NOP14: variants seen among roughly 807,000 people sequenced by gnomAD.
NOP14 encodes the protein nucleolar protein 14.
A neutral mutation model predicts 101.6 loss-of-function variants in NOP14; 57 were observed. That is an observed-to-expected ratio of 0.56 (90% confidence interval 0.45 to 0.70). NOP14 has a LOEUF of 0.70. Ranked by LOEUF, NOP14 falls within the 30% of genes least tolerant of loss-of-function variation. The pLI, the probability that NOP14 is intolerant of heterozygous loss-of-function variation, is 0.00. For synonymous variants in NOP14, 428 were observed against 424.0 expected (o/e 1.01, Z -0.12); for missense variants, 1,134 against 1,075.5 (o/e 1.05, Z -0.76).
rs764140812 is a variant in NOP14, at chr4:2,944,091, G to A, written c.1873C>T (p.Pro625Ser). 10 of 1,610,980 alleles carry A rather than the reference G, an allele frequency of 6.2e-6. No homozygotes were observed. In the Admixed American group the frequency reaches 1.3e-4, roughly 22 times the overall value. Reference protein sequence around the residue: ...FLLGILYIATPNKASQGSTLV... With the variant: ...FLLGILYIATSNKASQGSTLV... ...AACTCACCTTGGCTTGCTTTGTTTGGAGTTGCTATGTAAAGAATCCCAAGA... is the reference window on the plus strand; with the variant it reads ...AACTCACCTTGGCTTGCTTTGTTTGAAGTTGCTATGTAAAGAATCCCAAGA... Residue 625 changes from proline to serine, a missense_variant, in exon 13 of 18, where the codon CCA becomes TCA. Coordinates refer to ENST00000416614, the MANE Select transcript of NOP14 (RefSeq NM_001291978.2).
At chr4:2,958,420 G>C (rs1715494856) in intron 1 of NOP14, among the ~76,000 whole-genome samples, 1 of 152,334 alleles carries the variant, frequency 6.6e-6, no homozygotes, top group East Asian at 1.9e-4. Context: ...TCTGCAACCT[G>C]AGATGGCCAC....
chr4:2,948,095 A>AG (rs1486392994), intron 9 of NOP14, among the ~76,000 whole-genome samples, 183 bp downstream of exon 9: 1 of 152,244 alleles, frequency 6.6e-6, no homozygotes, highest in Non-Finnish European at 1.5e-5. Flanking sequence ...GCCAAAGCCA[A>AG]GGGAGGCCTC....
Position 2,939,230 on chromosome 4 carries a change from T to C in NOP14, c.2432A>G (p.Asn811Ser), listed in dbSNP as rs768222620. The part of the protein sequence containing the change: ...KGAVREIRKD[N>S]QFLARMQLSE... ...GAGTTGCATCCTCGCCAGGAACTGA[T>C]TGTCCTTGCGGATTTCTCGAACGGC... The change falls in exon 17 of 18, where the codon AAT (asparagine) becomes AGT (serine). Residue 811 changes from asparagine (N) to serine (S), a missense_variant. Physicochemically the swap from Asn to Ser is conservative, Grantham distance 46 (BLOSUM62 1). Transcript: ENST00000416614. 11 of 1,614,012 alleles carry C rather than the reference T, an allele frequency of 6.8e-6. No individual in the cohort carries two copies. The highest frequency in any genetic ancestry group is 9.3e-6 in the Non-Finnish European group (11 of 1,180,042).
rs567369610 is a variant in NOP14, at chr4:2,959,367, C to T, written c.196-1627G>A. On this transcript the variant is annotated intron_variant, in intron 1 of 17. Coordinates refer to ENST00000416614, the MANE Select transcript of NOP14 (RefSeq NM_001291978.2). Reference sequence around the variant, plus strand: ...CAGCACTCTGGGAGGCCAAGGCGGGCGGATCACGAGGTTAGAAGATCAAGA... The same window carrying T: ...CAGCACTCTGGGAGGCCAAGGCGGGTGGATCACGAGGTTAGAAGATCAAGA... Among the ~76,000 whole-genome samples the T allele has an allele frequency of 5.5e-4, 84 of 152,176 alleles. 1 individual carries two copies. The highest frequency in any genetic ancestry group is 1.0e-3 in the South Asian group (5 of 4,826).
chr4:2,941,773 G>A, intron 14 of NOP14, 44 bp from the exon 15 acceptor site: 1 of 1,590,212 alleles, frequency 6.3e-7, no homozygotes, highest in South Asian at 1.1e-5. Flanking sequence ...TGTTCTGTTT[G>A]TCACTGACAA....
intron 5 of NOP14, among the ~76,000 whole-genome samples, 200 bp from the exon 6 acceptor site, chr4:2,952,597 G>A (rs957313298): frequency 6.6e-6 from 1 of 152,006 alleles, no homozygotes; most frequent in African/African-American, 2.4e-5. Flanking sequence ...GTGGACATTC[G>A]GTCACAAAGA....
intron 11 of NOP14, among the ~76,000 whole-genome samples, chr4:2,945,737 A>C (rs545236604): frequency 1.3e-5 from 2 of 152,374 alleles, no homozygotes; most frequent in African/African-American, 4.8e-5. Flanking sequence ...AAACCAGCCC[A>C]CAGGCTTGGG....
rs1304967451 is a variant in NOP14, at chr4:2,957,653, T to C, written c.283A>G (p.Met95Val). 2 of 1,614,220 alleles carry C rather than the reference T, an allele frequency of 1.2e-6. No individual in the cohort carries two copies. The highest frequency in any genetic ancestry group is 2.2e-5 in the South Asian group (2 of 91,086). ...TTCATCATCTTCTCCTCGGGGCTCA[T>C]GTTGCTGTTGTATTCTCCGAAGCGT... The part of the protein sequence containing the change: ...DKRFGEYNSN[M>V]SPEEKMMKRF... Residue 95 changes from methionine (M) to valine (V), a missense_variant, in exon 2 of 18, where the codon ATG becomes GTG. Coordinates refer to ENST00000416614, the MANE Select transcript of NOP14 (RefSeq NM_001291978.2).
chr4:2,963,336 C>G lies in NOP14; in HGVS notation c.-17G>C, dbSNP rs1453341223. The G allele has an allele frequency of 6.4e-7, 1 of 1,554,322 alleles. No individual in the cohort carries two copies. The highest frequency in any genetic ancestry group is 8.7e-7 in the Non-Finnish European group (1 of 1,155,922). ...CTTCGCCATGGCGCGCGCCCCGCTG[C>G]GCCCAAGGGCCCGAGACCCGAAGAG... On this transcript the variant is annotated 5_prime_UTR_variant, in exon 1 of 18. Transcript: ENST00000416614.
At chr4:2,952,536 T>C (rs1028969533) in intron 5 of NOP14, 139 bp from the exon 6 acceptor site, 1 of 725,616 alleles carries the variant, frequency 1.4e-6, no homozygotes, top group African/African-American at 1.8e-5. Flanking sequence ...ATCTACGTCT[T>C]TTCTTCTAGA....
intron 1 of NOP14, among the ~76,000 whole-genome samples, chr4:2,961,200 A>AATATATACTAACTATAT (rs1233146413): frequency 9.9e-6 from 1 of 100,606 alleles, no homozygotes; most frequent in African/African-American, 4.7e-5. Context: ...TGCTAATATT[A>AATATATACTAACTATAT]TAATAATATA....
intron 7 of NOP14, 192 bp downstream of exon 7, chr4:2,950,917 CACATA>C: frequency 3.4e-5 from 18 of 533,118 alleles, no homozygotes; most frequent in Admixed American, 9.7e-5. Context: ...CAAGTGAGTG[CACATA>C]CTATTGTTAA....
intron 13 of NOP14, among the ~76,000 whole-genome samples, chr4:2,942,801 C>T (rs893208815): frequency 2.0e-5 from 3 of 151,726 alleles, no homozygotes; most frequent in Non-Finnish European, 2.9e-5. Flanking sequence ...CGGTGGAGGG[C>T]GGGAGAGGCC....
chr4:2,957,847 T>A, intron 1 of NOP14, 107 bp from the exon 2 acceptor site: 1 of 1,145,666 alleles, frequency 8.7e-7, no homozygotes, highest in Non-Finnish European at 1.2e-6. Flanking sequence ...CACAGTGATG[T>A]CAAAGTTCAC....
chr4:2,961,108 A>AAT (rs1365015801), intron 1 of NOP14, among the ~76,000 whole-genome samples: 1 of 100,482 alleles, frequency 1.0e-5, no homozygotes, highest in African/African-American at 5.0e-5. Flanking sequence ...TTAATATTTT[A>AAT]ATAATATATT....
At chr4:2,961,156 T>C (rs1316635587) in intron 1 of NOP14, among the ~76,000 whole-genome samples, 4 of 22,420 alleles carry the variant, frequency 1.8e-4, no homozygotes, top group East Asian at 7.8e-4. Flanking sequence ...AATATAATAA[T>C]ATATTAATAT....
At position 2,956,883 on chromosome 4, in the gene NOP14, G is replaced by GAT. The variant is rs113278998; in HGVS notation, c.331-74_331-73dup. 96 of 1,260,236 alleles carry GAT rather than the reference G, an allele frequency of 7.6e-5. No homozygotes were observed. In the South Asian group the frequency reaches 1.0e-3, roughly 13 times the overall value. 78.1% of individuals were successfully genotyped at this position (1,260,236 alleles called of 1,614,324 possible). A position where few individuals can be genotyped will look rare whatever the true frequency, so the allele number is the denominator to read the frequency against. ...ACAGCAAAAAAAAAAAGATAAGGTA[G>GAT]ATATATATATTTCCATTATATTTGA... On this transcript the variant is annotated intron_variant, in intron 2 of 17. Transcript: ENST00000416614.
At chr4:2,947,464 A>G in intron 10 of NOP14, 62 bp downstream of exon 10, 1 of 1,162,452 alleles carries the variant, frequency 8.6e-7, no homozygotes, top group Non-Finnish European at 1.3e-6. Context: ...TTATGACTCT[A>G]AATGGGAGAA....
At chr4:2,952,897 T>A (rs1013061997) in intron 5 of NOP14, among the ~76,000 whole-genome samples, 8 of 152,144 alleles carry the variant, frequency 5.3e-5, no homozygotes, top group Non-Finnish European at 1.0e-4. Flanking sequence ...GAGGTGGAGG[T>A]TGCACTACAC....
Sources: gnomAD v4.1 joint callset for allele counts (sites outside exome capture counted in the v4.1 genomes callset) on GRCh38, gnomAD v4.1.1 for gene constraint, MANE v1.5 for transcripts, NCBI Gene and HGNC (gene_info 2026-07-23, HGNC 2026-07-21) for gene names.